The following GALK2 variants were observed in gnomAD, a reference collection of about 807,000 sequenced individuals.
The protein encoded by GALK2 is N-acetylgalactosamine kinase.
A neutral mutation model predicts 52.4 loss-of-function variants in GALK2; 36 were observed. That is an observed-to-expected ratio of 0.69 (90% CI 0.53 to 0.91). GALK2 has a LOEUF of 0.91. GALK2 is among the 40% of genes least tolerant of loss of function. The pLI is 0.00. For synonymous variants in GALK2, 176 were observed against 199.1 expected (o/e 0.88, Z 0.98); for missense variants, 579 against 559.1 (o/e 1.04, Z -0.36).
Position 49,239,300 on chromosome 15 carries a change from G to C in GALK2, c.437G>C (p.Ser146Thr), listed in dbSNP as rs1237812224. The C allele has an allele frequency of 2.5e-6, 4 of 1,613,998 alleles. No homozygotes were observed. The highest frequency in any genetic ancestry group is 2.7e-5 in the African/African-American group (2 of 74,924). Residue 146 changes from serine to threonine, a missense_variant, in exon 5 of 10, where the codon AGC becomes ACC. Ser to Thr is a moderately conservative substitution (Grantham distance 58). Transcript: ENST00000560031. ...ATCCCACCAAGTTCTGGCCTCTCCA[G>C]CTCCAGTGCTTTGGTCTGTTGTGCT... ...GNIPPSSGLS[S>T]SSALVCCAGL...
chr15:49,198,109 C>T (rs779659880), intron 1 of GALK2, among the ~76,000 whole-genome samples: 10 of 151,972 alleles, frequency 6.6e-5, no homozygotes, highest in Non-Finnish European at 1.2e-4. Context: ...ACTAACATTA[C>T]TAACTATCCT....
chr15:49,216,091 C>T (rs537439897), intron 2 of GALK2, among the ~76,000 whole-genome samples: 1 of 152,192 alleles, frequency 6.6e-6, no homozygotes, highest in Non-Finnish European at 1.5e-5. Flanking sequence ...CTTTACTCCT[C>T]CCAGTCAGAA....
At chr15:49,308,727 C>A (rs529370701) in intron 8 of GALK2, among the ~76,000 whole-genome samples, 102 of 152,248 alleles carry the variant, frequency 6.7e-4, no homozygotes, top group African/African-American at 2.4e-3. Context: ...CTGGGAACCA[C>A]CCTTCAAGAA....
chr15:49,211,927 A>T (rs1278944422), intron 2 of GALK2, among the ~76,000 whole-genome samples: 1 of 152,158 alleles, frequency 6.6e-6, no homozygotes, highest in Non-Finnish European at 1.5e-5. Flanking sequence ...GATCCAAGCC[A>T]TATCATATGG....
chr15:49,354,125 T>C (rs1411713404), intron 3 of GALK2: 1 of 152,186 alleles, frequency 6.6e-6, no homozygotes, highest in African/African-American at 2.4e-5. Context: ...TTATATAGCT[T>C]TTATTTTTAT....
At chr15:49,216,220 T>G (rs1381805195) in intron 2 of GALK2, among the ~76,000 whole-genome samples, 2 of 152,152 alleles carry the variant, frequency 1.3e-5, no homozygotes, top group African/African-American at 4.8e-5. Flanking sequence ...CTGCTGATGT[T>G]TATTCAAGGC....
intron 7 of GALK2, among the ~76,000 whole-genome samples, chr15:49,285,386 A>G (rs1157625942): frequency 5.9e-5 from 9 of 152,168 alleles, no homozygotes; most frequent in Non-Finnish European, 1.2e-4. Context: ...GGCAGGGATG[A>G]AGGGATGGCA....
intron 1 of GALK2, among the ~76,000 whole-genome samples, chr15:49,162,548 A>C (rs1172411404): frequency 6.6e-6 from 1 of 152,184 alleles, no homozygotes; most frequent in Non-Finnish European, 1.5e-5. Flanking sequence ...TCCTTGAATA[A>C]TTCTTTGCTT....
intron 3 of GALK2, among the ~76,000 whole-genome samples, chr15:49,354,303 AC>A (rs1476634486): frequency 3.3e-5 from 5 of 152,180 alleles, no homozygotes; most frequent in African/African-American, 4.8e-5. Context: ...GACGCAGAAG[AC>A]GGGTGATTTC....
At chr15:49,291,607 G>C (rs2033943776) in intron 7 of GALK2, among the ~76,000 whole-genome samples, 1 of 152,186 alleles carries the variant, frequency 6.6e-6, no homozygotes, top group African/African-American at 2.4e-5. Flanking sequence ...TGCTTGGGGA[G>C]AATGACAGAA....
intron 1 of GALK2, among the ~76,000 whole-genome samples, chr15:49,160,792 G>C (rs1262859475): frequency 6.6e-6 from 1 of 151,934 alleles, no homozygotes; most frequent in Non-Finnish European, 1.5e-5. Context: ...CGCTTGAACC[G>C]GGGAGGTGGA....
intron 8 of GALK2, among the ~76,000 whole-genome samples, chr15:49,297,555 GT>G (rs777766684): frequency 3.3e-5 from 5 of 152,078 alleles, no homozygotes; most frequent in Non-Finnish European, 5.9e-5. Context: ...AATTTTTATA[GT>G]TTTAAGTCAC....
chr15:49,157,199 G>C (rs1413047937), intron 1 of GALK2, among the ~76,000 whole-genome samples: 1 of 152,258 alleles, frequency 6.6e-6, no homozygotes, highest in African/African-American at 2.4e-5. Context: ...CCTCATTTAA[G>C]TTTTCCTATC....
chr15:49,251,769 A>T (rs1303072263), intron 5 of GALK2, among the ~76,000 whole-genome samples: 1 of 152,180 alleles, frequency 6.6e-6, no homozygotes, highest in African/African-American at 2.4e-5. Context: ...ACAAATTATT[A>T]AGCTTTATTT....
intron 9 of GALK2, among the ~76,000 whole-genome samples, chr15:49,324,694 C>G (rs567060182): frequency 1.3e-5 from 2 of 152,264 alleles, no homozygotes; most frequent in East Asian, 1.9e-4. Flanking sequence ...ACCTGTGACT[C>G]TTGCCATTTC....
At chr15:49,313,563 G>A (rs929878564) in intron 8 of GALK2, among the ~76,000 whole-genome samples, 13 of 152,312 alleles carry the variant, frequency 8.5e-5, no homozygotes, top group African/African-American at 3.1e-4. Flanking sequence ...AGCATTTCCA[G>A]CACTCAGATG....
At chr15:49,156,293 T>A (rs17426226) in intron 1 of GALK2, 9,138 of 457,564 alleles carry the variant, frequency 0.02, 287 homozygotes, top group South Asian at 0.062. Context: ...AAAAATACAT[T>A]ACTGTGAACC....
intron 2 of GALK2, among the ~76,000 whole-genome samples, chr15:49,210,356 C>G (rs987651322): frequency 7.3e-5 from 11 of 151,446 alleles, no homozygotes; most frequent in Non-Finnish European, 4.4e-5. Context: ...ATTGTTTTTG[C>G]TAGAGATGTA....
At chr15:49,346,787 C>T (rs1277581322) in intron 3 of GALK2, among the ~76,000 whole-genome samples, 3 of 152,188 alleles carry the variant, frequency 2.0e-5, no homozygotes, top group Non-Finnish European at 4.4e-5. Context: ...TGGCCAGAAT[C>T]TCCTACTTTA....
Sources: allele counts gnomAD v4.1 joint callset (sites outside exome capture counted in the v4.1 genomes callset), GRCh38; gene constraint gnomAD v4.1.1; transcripts MANE v1.5; gene names NCBI Gene and HGNC (gene_info 2026-07-23, HGNC 2026-07-21).